Variants in MTUS1 observed in about 807,000 individuals in gnomAD.
MTUS1 encodes the protein microtubule-associated tumor suppressor 1.
MTUS1 carries 109 observed loss-of-function variants against 120.8 expected under a neutral mutation model. The observed-to-expected ratio is 0.90, with a 90% CI of 0.77 to 1.06. The LOEUF (loss-of-function observed/expected upper bound fraction) is 1.06, where lower values mean the gene tolerates loss of function less well. Among genes scored for constraint, MTUS1 ranks in the 50% least tolerant of loss-of-function variants. The pLI is 0.00. For synonymous variants in MTUS1, 737 were observed against 550.5 expected, an observed-to-expected ratio of 1.34 and a Z score of -4.74; for missense variants, 2,210 against 1,486.3, an observed-to-expected ratio of 1.49 and a Z score of -8.01.
chr8:17,726,098 C>A (rs1250824449), intron 3 of MTUS1, among the ~76,000 whole-genome samples: 1 of 152,142 alleles, frequency 6.6e-6, no homozygotes, highest in Non-Finnish European at 1.5e-5. Flanking sequence ...GAACGGCCTC[C>A]TTTCTATCCC....
chr8:17,654,912 G>A (rs987053498), intron 9 of MTUS1: 1 of 523,306 alleles, frequency 1.9e-6, no homozygotes, highest in Middle Eastern at 4.1e-4. Context: ...AATGTCGCGA[G>A]ACTCTGTCCC....
At chr8:17,789,417 C>A (rs547638712) in intron 1 of MTUS1, among the ~76,000 whole-genome samples, 61 of 152,216 alleles carry the variant, frequency 4.0e-4, no homozygotes, top group African/African-American at 1.4e-3. Flanking sequence ...GGGGGTAGAT[C>A]GCGTGGGCAG....
chr8:17,792,813 G>A (rs910181361), intron 1 of MTUS1, among the ~76,000 whole-genome samples: 19 of 151,686 alleles, frequency 1.3e-4, no homozygotes, highest in Admixed American at 8.5e-4. Context: ...GCAGTGAGCC[G>A]AGATCACACC....
intron 1 of MTUS1, among the ~76,000 whole-genome samples, chr8:17,757,941 G>C (rs1044098306): frequency 6.6e-6 from 1 of 152,110 alleles, no homozygotes; most frequent in African/African-American, 2.4e-5. Context: ...CCTAAAATGA[G>C]GGCTGTGTGA....
chr8:17,785,721 A>G (rs1007020658), intron 1 of MTUS1, among the ~76,000 whole-genome samples: 1 of 152,180 alleles, frequency 6.6e-6, no homozygotes, highest in African/African-American at 2.4e-5. Context: ...ACAGATGCAC[A>G]TTTGGAACCT....
intron 13 of MTUS1, among the ~76,000 whole-genome samples, chr8:17,648,525 C>T (rs1308071908): frequency 3.9e-5 from 6 of 152,186 alleles, no homozygotes; most frequent in East Asian, 3.8e-4. Context: ...CAGACTCAGT[C>T]GAACAGGACG....
intron 6 of MTUS1, among the ~76,000 whole-genome samples, chr8:17,711,108 T>G (rs572791374): frequency 6.6e-6 from 1 of 152,200 alleles, no homozygotes; most frequent in African/African-American, 2.4e-5. Context: ...TTTAACGTAA[T>G]TCTTAAGGGC....
At chr8:17,757,406 A>T (rs58638261) in intron 1 of MTUS1, among the ~76,000 whole-genome samples, 7,678 of 152,282 alleles carry the variant, frequency 0.05, 318 homozygotes, top group African/African-American at 0.12. Context: ...GTATGTTCTA[A>T]AACTATGTAC....
At chr8:17,704,923 G>T (rs1006951266) in intron 6 of MTUS1, among the ~76,000 whole-genome samples, 1 of 152,178 alleles carries the variant, frequency 6.6e-6, no homozygotes, top group African/African-American at 2.4e-5. Flanking sequence ...TCTACACAGA[G>T]TATGTGCTAA....
chr8:17,705,627 C>A (rs1820007763), intron 6 of MTUS1: 1 of 152,180 alleles, frequency 6.6e-6, no homozygotes, highest in South Asian at 2.1e-4. Flanking sequence ...GAAAAAACAG[C>A]CTTCTCTCTA....
At chr8:17,657,838 TA>T (rs1808748673) in intron 8 of MTUS1, among the ~76,000 whole-genome samples, 1 of 148,320 alleles carries the variant, frequency 6.7e-6, no homozygotes, top group Admixed American at 6.7e-5. Context: ...AATGAAAGGT[TA>T]AAAAAATTTA....
chr8:17,723,323 C>T (rs2045968392), intron 4 of MTUS1: 2 of 307,564 alleles, frequency 6.5e-6, no homozygotes, highest in South Asian at 6.3e-5. Context: ...AAAGATTCCA[C>T]AGGAGATAGT....
chr8:17,716,461 A>G (rs73206206), intron 4 of MTUS1: 5,292 of 152,542 alleles, frequency 0.035, 123 homozygotes, highest in Middle Eastern at 0.065. Flanking sequence ...AAAACATAAA[A>G]GGGAATCTTA....
At chr8:17,721,672 C>A in intron 4 of MTUS1, 3 of 1,520,370 alleles carry the variant, frequency 2.0e-6, no homozygotes, top group South Asian at 1.3e-5. Context: ...AAAATTTAAG[C>A]ATGCTTACAA....
At chr8:17,656,693 T>C (rs1808325043) in intron 8 of MTUS1, among the ~76,000 whole-genome samples, 1 of 151,906 alleles carries the variant, frequency 6.6e-6, no homozygotes, top group Non-Finnish European at 1.5e-5. Context: ...GGCAGAGACA[T>C]TTCTTAGGAC....
At chr8:17,770,398 G>A (rs767303256) in intron 1 of MTUS1, 1 of 152,086 alleles carries the variant, frequency 6.6e-6, no homozygotes, top group Non-Finnish European at 1.5e-5. Context: ...TAATTTAAAT[G>A]CCCCAAATCA....
chr8:17,751,097 A>T (rs2048152051), intron 2 of MTUS1, among the ~76,000 whole-genome samples: 1 of 152,142 alleles, frequency 6.6e-6, no homozygotes, highest in African/African-American at 2.4e-5. Context: ...TGGGCGGATC[A>T]CTTGAGGTCA....
chr8:17,716,960 C>T (rs1324085355), intron 4 of MTUS1, among the ~76,000 whole-genome samples: 2 of 152,220 alleles, frequency 1.3e-5, no homozygotes, highest in Non-Finnish European at 2.9e-5. Context: ...CCTTTTCTCA[C>T]TTCACTCACT....
chr8:17,793,740 G>C (rs1357004351), intron 1 of MTUS1, among the ~76,000 whole-genome samples: 1 of 152,114 alleles, frequency 6.6e-6, no homozygotes, highest in African/African-American at 2.4e-5. Flanking sequence ...GAAGGAAAAG[G>C]GTAAGCATGA....
Sources: gnomAD v4.1 joint callset for allele counts (sites outside exome capture counted in the v4.1 genomes callset) on GRCh38, gnomAD v4.1.1 for gene constraint, MANE v1.5 for transcripts, NCBI Gene and HGNC (gene_info 2026-07-23, HGNC 2026-07-21) for gene names.